The following STARD7 variants were observed in gnomAD, a reference collection of about 807,000 sequenced individuals.
The protein encoded by STARD7 is StAR related lipid transfer domain containing 7, also known as stAR-related lipid transfer protein 7, mitochondrial.
In STARD7, 30 loss-of-function variants were observed where a neutral mutation model predicts 45.3. The ratio of observed to expected loss-of-function variants is 0.66; its 90% CI spans 0.50 to 0.90. The LOEUF (loss-of-function observed/expected upper bound fraction) is 0.90. Among genes scored for constraint, STARD7 ranks in the 40% least tolerant of loss-of-function variants. STARD7 has a pLI of 0.00. For synonymous variants in STARD7, 199 were observed against 183.0 expected, an observed-to-expected ratio of 1.09 and a Z score of -0.70; for missense variants, 495 against 491.3, an observed-to-expected ratio of 1.01 and a Z score of -0.07.
rs982648480 is a variant in STARD7, at chr2:96,186,093, T to C, written c.*637A>G. 1.4e-4 allele frequency: 22 copies of C among 151,762 alleles called. No homozygotes were observed. The highest frequency in any genetic ancestry group is 4.8e-4 in the African/African-American group (20 of 41,336). The allele number at this position is 151,762 out of a possible 1,614,324, so 9.4% of individuals were successfully genotyped here. A position where few individuals can be genotyped will look rare whatever the true frequency, so the allele number is the denominator to read the frequency against. On this transcript the variant is annotated 3_prime_UTR_variant, in exon 8 of 8. Coordinates refer to ENST00000337288, the MANE Select transcript of STARD7 (RefSeq NM_020151.4). Reference sequence around the variant, plus strand: ...GGAAATTTCTTTGTACAAATTCATGTCCCTGGCCAGGCATGGCCCAGGAGT... The same window carrying C: ...GGAAATTTCTTTGTACAAATTCATGCCCCTGGCCAGGCATGGCCCAGGAGT...
In STARD7 at chr2:96,208,561, G is replaced by C; in HGVS notation, c.-127C>G. 1.2e-6 allele frequency: 1 copy of C among 821,944 alleles called. No individual in the cohort carries two copies. The highest frequency in any genetic ancestry group is 2.6e-5 in the South Asian group (1 of 39,034). 50.9% of individuals were successfully genotyped at this position (821,944 alleles called of 1,614,324 possible). A position where few individuals can be genotyped will look rare whatever the true frequency, so the allele number is the denominator to read the frequency against. ...AACCCGTCTCACGGTCCCGCGGCCA[G>C]GAGCCGCCGCTCATCTGTCTCTGCA... On this transcript the variant is annotated 5_prime_UTR_variant, in exon 1 of 8. Coordinates refer to ENST00000337288, the MANE Select transcript of STARD7 (RefSeq NM_020151.4).
intron 6 of STARD7, among the ~76,000 whole-genome samples, chr2:96,190,711 G>A (rs1683113328): frequency 6.6e-6 from 1 of 151,800 alleles, no homozygotes; most frequent in African/African-American, 2.4e-5. Context: ...GCACAAACAC[G>A]GCTTAATGCA....
At chr2:96,190,630 G>A (rs191034370) in intron 6 of STARD7, among the ~76,000 whole-genome samples, 34 of 152,000 alleles carry the variant, frequency 2.2e-4, no homozygotes, top group African/African-American at 7.2e-4. Context: ...GAGCCACTGC[G>A]CCTGGCTTTT....
chr2:96,195,495 A>T lies in STARD7; in HGVS notation c.345T>A (p.Ser115=). ...GTTCTGGAGGGTGGTGCTGGACTCC[A>T]GAGCTCTGAAACATATTTGACATTT... is the stretch of plus-strand genomic sequence containing the variant. ...LEEMSNMFQS[S]GVQHHPPEPK... Residue 115 remains serine, a synonymous_variant, in exon 2 of 8, where the codon TCT becomes TCA. Transcript: ENST00000337288. The T allele has an allele frequency of 1.9e-6, 3 of 1,613,900 alleles. No individual in the cohort carries two copies. Among genetic ancestry groups the T allele is most frequent in the Non-Finnish European group, 2.5e-6 (3 of 1,179,850 alleles).
At chr2:96,198,940 T>C (rs1169402738) in intron 1 of STARD7, among the ~76,000 whole-genome samples, 1 of 152,308 alleles carries the variant, frequency 6.6e-6, no homozygotes, top group East Asian at 1.9e-4. Context: ...GAAAAGCCTA[T>C]TCCTTCCCCA....
Position 96,193,176 on chromosome 2 carries a change from A to C in STARD7, c.661-16T>G, listed in dbSNP as rs997548. 29 of 1,602,910 alleles carry C rather than the reference A, an allele frequency of 1.8e-5. No homozygotes were observed. The highest frequency in any genetic ancestry group is 2.4e-5 in the Non-Finnish European group (28 of 1,169,774). Reference sequence around the variant, plus strand: ...ACATTGGATACTAAAGAAATGGAGGAGCAGGATTAGTGTTCTGCATCACAC... The same window carrying C: ...ACATTGGATACTAAAGAAATGGAGGCGCAGGATTAGTGTTCTGCATCACAC... On this transcript the variant is annotated splice_polypyrimidine_tract_variant and intron_variant, in intron 4 of 7. Transcript: ENST00000337288.
chr2:96,197,070 A>AACTAAAC (rs1573943516), intron 1 of STARD7, among the ~76,000 whole-genome samples: 1 of 96,394 alleles, frequency 1.0e-5, no homozygotes, highest in Admixed American at 9.6e-5. Context: ...CCGTCTCAAA[A>AACTAAAC]TAAAATAAAA....
Position 96,197,054 on chromosome 2 carries a change from G to A in STARD7, c.291-1505C>T, listed in dbSNP as rs551175652. ...GCACTCTAGCCTGGGCAACAAGAGCGAAACTCCGTCTCAAAATAAAATAAA... is the reference window on the plus strand; with the variant it reads ...GCACTCTAGCCTGGGCAACAAGAGCAAAACTCCGTCTCAAAATAAAATAAA... On this transcript the variant is annotated intron_variant, in intron 1 of 7. Transcript: ENST00000337288. Among the ~76,000 whole-genome samples, 273 of 87,264 alleles carry A rather than the reference G, an allele frequency of 3.1e-3. 2 individuals carry two copies. Among genetic ancestry groups the A allele is most frequent in the African/African-American group, 7.9e-3 (243 of 30,786 alleles). The allele number at this position is 87,264 out of a possible 152,430, so 57.2% of individuals were successfully genotyped here. A position where few individuals can be genotyped will look rare whatever the true frequency, so the allele number is the denominator to read the frequency against.
rs775814267 is a variant in STARD7, at chr2:96,208,256, C to A, written c.179G>T (p.Arg60Leu). ...ACGGCCGTGCAGCCGGCGCCAGAGG[C>A]GGCCGAGGAGAACGCGGCGTGAGCT... Reference protein sequence around the residue: ...SESSRRVLLGRLWRRLHGRPG... With the variant: ...SESSRRVLLGLLWRRLHGRPG... The change falls in exon 1 of 8, where the codon CGC becomes CTC. Residue 60 changes from arginine (R) to leucine (L), a missense_variant. Physicochemically the swap from Arg to Leu is moderately radical, Grantham distance 102 (BLOSUM62 -2). Coordinates refer to ENST00000337288, the MANE Select transcript of STARD7 (RefSeq NM_020151.4). The A allele has an allele frequency of 1.2e-6, 2 of 1,612,040 alleles. No individual in the cohort carries two copies. Among genetic ancestry groups the A allele is most frequent in the Non-Finnish European group, 1.7e-6 (2 of 1,179,482 alleles).
chr2:96,203,651 C>T (rs1481708938), intron 1 of STARD7, among the ~76,000 whole-genome samples: 4 of 152,288 alleles, frequency 2.6e-5, no homozygotes, highest in South Asian at 4.1e-4. Flanking sequence ...TCTACTGATA[C>T]GGGACACACC....
At chr2:96,191,658 T>G (rs1683127255) in intron 6 of STARD7, among the ~76,000 whole-genome samples, 2 of 149,408 alleles carry the variant, frequency 1.3e-5, no homozygotes, top group African/African-American at 5.1e-5. Flanking sequence ...GTACTTTTTT[T>G]TTTGTTTTTT....
In STARD7 at chr2:96,195,560, G is replaced by A. The variant is rs1438856994; in HGVS notation, c.291-11C>T. The stretch of plus-strand genomic sequence containing the variant: ...ATCTCATTAATAGATCTGTAAAGGG[G>A]AAAAAGAGCCATGGTGAGGTGGTTA... On this transcript the variant is annotated splice_polypyrimidine_tract_variant and intron_variant, in intron 1 of 7. Transcript: ENST00000337288. The A allele has an allele frequency of 3.1e-6, 5 of 1,606,244 alleles. No homozygotes were observed. The highest frequency in any genetic ancestry group is 4.3e-6 in the Non-Finnish European group (5 of 1,174,560).
Position 96,195,380 on chromosome 2 carries a change from G to T in STARD7, c.460C>A (p.Arg154=), listed in dbSNP as rs1193093626. The change falls in exon 2 of 8, where the codon CGG becomes AGG. Residue 154 remains arginine, a synonymous_variant. Coordinates refer to ENST00000337288, the MANE Select transcript of STARD7 (RefSeq NM_020151.4). ...VMDKKHFKLW[R]RPITGTHLYQ... is the part of the protein sequence containing the mutation. ...AGGTGGGTGCCTGTAATTGGGCGCC[G>T]CCACAGCTTAAAGTGTTTCTTATCC... 8 of 1,595,026 alleles carry T rather than the reference G, an allele frequency of 5.0e-6. No individual in the cohort carries two copies. The highest frequency in any genetic ancestry group is 1.8e-4 in the Middle Eastern group (1 of 5,668).
chr2:96,208,000 C>T, intron 1 of STARD7, 145 bp downstream of exon 1: 2 of 686,146 alleles, frequency 2.9e-6, no homozygotes, highest in Non-Finnish European at 4.7e-6. Context: ...CAAATAACAA[C>T]GCGGTTTGCT....
chr2:96,198,615 C>T (rs1372554065), intron 1 of STARD7, among the ~76,000 whole-genome samples: 25 of 152,260 alleles, frequency 1.6e-4, no homozygotes, highest in Admixed American at 1.4e-3. Context: ...TATCTCATTG[C>T]GTCTTGACTG....
At position 96,208,582 on chromosome 2, in the gene STARD7, C is replaced by G. The variant is rs1573950360; in HGVS notation, c.-148G>C. 1.6e-6 allele frequency: 1 copy of G among 615,004 alleles called. No individual in the cohort carries two copies. 38.1% of individuals were successfully genotyped at this position (615,004 alleles called of 1,614,324 possible). A position where few individuals can be genotyped will look rare whatever the true frequency, so the allele number is the denominator to read the frequency against. ...GCCAGGAGCCGCCGCTCATCTGTCTCTGCAGCCACCGCTGAGGAAGAGTCT... is the reference window on the plus strand; with the variant it reads ...GCCAGGAGCCGCCGCTCATCTGTCTGTGCAGCCACCGCTGAGGAAGAGTCT... On this transcript the variant is annotated 5_prime_UTR_variant, in exon 1 of 8. Transcript: ENST00000337288.
chr2:96,192,268 T>C, intron 6 of STARD7, 101 bp downstream of exon 6: 1 of 955,866 alleles, frequency 1.0e-6, no homozygotes, highest in African/African-American at 1.6e-5. Context: ...GAGCGAGAAC[T>C]GTTCCTGCGC....
At position 96,208,281 on chromosome 2, in the gene STARD7, T is replaced by C; in HGVS notation, c.154A>G (p.Ser52Gly). Residue 52 changes from serine to glycine, a missense_variant, in exon 1 of 8, where the codon AGC (serine) becomes GGC (glycine). Transcript: ENST00000337288. ...CGGCCGAGGAGAACGCGGCGTGAGCTCTCGGAGTAGAGGCGGCCGTAGAGC... is the reference window on the plus strand; with the variant it reads ...CGGCCGAGGAGAACGCGGCGTGAGCCCTCGGAGTAGAGGCGGCCGTAGAGC... ...AQLYGRLYSESSRRVLLGRLW... is the reference protein window; with the variant it reads ...AQLYGRLYSEGSRRVLLGRLW... 3 of 1,611,124 alleles carry C rather than the reference T, an allele frequency of 1.9e-6. No homozygotes were observed. The highest frequency in any genetic ancestry group is 2.5e-6 in the Non-Finnish European group (3 of 1,179,286).
intron 6 of STARD7, among the ~76,000 whole-genome samples, chr2:96,188,555 G>A (rs1030840524): frequency 3.3e-5 from 5 of 151,192 alleles, no homozygotes; most frequent in East Asian, 2.1e-4. Flanking sequence ...GATTACAAGC[G>A]TGTGCCACTG....
Sources: allele counts gnomAD v4.1 joint callset (sites outside exome capture counted in the v4.1 genomes callset), GRCh38; gene constraint gnomAD v4.1.1; transcripts MANE v1.5; gene names NCBI Gene and HGNC (gene_info 2026-07-23, HGNC 2026-07-21).